ADAM7: variants seen among roughly 807,000 people sequenced by gnomAD.
ADAM7 encodes disintegrin and metalloproteinase domain-containing protein 7.
A neutral mutation model predicts 102.9 loss-of-function variants in ADAM7; 97 were observed. The ratio of observed to expected loss-of-function variants is 0.94; its 90% CI spans 0.80 to 1.12. The LOEUF (loss-of-function observed/expected upper bound fraction) is 1.12. ADAM7 is among the 50% of genes most tolerant of loss of function. The pLI, the probability that ADAM7 is intolerant of heterozygous loss-of-function variation, is 0.00. For synonymous variants in ADAM7, 334 were observed against 304.4 expected, an observed-to-expected ratio of 1.10 and a Z score of -1.01; for missense variants, 991 against 908.7, an observed-to-expected ratio of 1.09 and a Z score of -1.16.
At chr8:24,475,544 T>C (rs1819739396) in intron 7 of ADAM7, among the ~76,000 whole-genome samples, 1 of 152,118 alleles carries the variant, frequency 6.6e-6, no homozygotes, top group Admixed American at 6.5e-5. Context: ...TTAAGAATAG[T>C]TTCAATGGAA....
At chr8:24,488,844 A>C (rs1367014856) in intron 11 of ADAM7, among the ~76,000 whole-genome samples, 1 of 152,112 alleles carries the variant, frequency 6.6e-6, no homozygotes, top group East Asian at 1.9e-4. Flanking sequence ...GGGATGATAA[A>C]CAAATACATA....
chr8:24,462,979 A>C (rs1242085049), intron 3 of ADAM7, among the ~76,000 whole-genome samples: 1 of 152,142 alleles, frequency 6.6e-6, no homozygotes, highest in Admixed American at 6.5e-5. Context: ...ATTTGGAGTA[A>C]AAACAGCAGC....
chr8:24,480,500 C>T (rs1819912692), intron 8 of ADAM7, among the ~76,000 whole-genome samples: 1 of 152,122 alleles, frequency 6.6e-6, no homozygotes, highest in East Asian at 1.9e-4. Flanking sequence ...CAGTTCAACT[C>T]TCCACAACAT....
Position 24,467,004 on chromosome 8 carries a change from T to C in ADAM7, c.579+16T>C. 6.3e-7 allele frequency: 1 copy of C among 1,597,470 alleles called. No homozygotes were observed. The highest frequency in any genetic ancestry group is 8.6e-7 in the Non-Finnish European group (1 of 1,168,052). ...CAAAATAAAAGTGAGTACTTTATTATTATCTTTACCCCAAATGAAACACCT... is the reference window on the plus strand; with the variant it reads ...CAAAATAAAAGTGAGTACTTTATTACTATCTTTACCCCAAATGAAACACCT... On this transcript the variant is annotated intron_variant, in intron 6 of 21. Transcript: ENST00000175238.
chr8:24,452,179 A>G (rs1408491634), intron 3 of ADAM7, among the ~76,000 whole-genome samples: 46 of 143,644 alleles, frequency 3.2e-4, no homozygotes, highest in South Asian at 9.1e-4. Flanking sequence ...CTTGGTGCAG[A>G]GCTGAGTTCA....
At position 24,509,018 on chromosome 8, in the gene ADAM7, CA is replaced by C; in HGVS notation, c.*475del. 1.0e-6 allele frequency: 1 copy of C among 990,794 alleles called. No homozygotes were observed. Among genetic ancestry groups the C allele is most frequent in the Non-Finnish European group, 1.2e-6 (1 of 833,756 alleles). 61.4% of individuals were successfully genotyped at this position (990,794 alleles called of 1,614,324 possible). On this transcript the variant is annotated 3_prime_UTR_variant, in exon 22 of 22. Transcript: ENST00000175238. ...TTAAATGAAAGTCCTGCAGAAATGC[CA>C]AAGAAGGCAGGGCAGAGCGGCACGG...
chr8:24,495,200 C>T (rs184547312), intron 16 of ADAM7, among the ~76,000 whole-genome samples: 16 of 152,232 alleles, frequency 1.1e-4, no homozygotes, highest in African/African-American at 3.6e-4. Flanking sequence ...TCCTATAGCT[C>T]ATAGTCCCCA....
At chr8:24,487,642 AAAAAGAAAAAAAAAG>A (rs1168188628) in intron 11 of ADAM7, among the ~76,000 whole-genome samples, 2 of 152,008 alleles carry the variant, frequency 1.3e-5, no homozygotes, top group African/African-American at 2.4e-5. Flanking sequence ...TCTCAAAAAA[AAAAAGAAAAAAAAAG>A]AAAAGAAAAA....
chr8:24,451,041 A>G (rs1407047332), intron 3 of ADAM7, among the ~76,000 whole-genome samples: 3 of 151,884 alleles, frequency 2.0e-5, no homozygotes, highest in African/African-American at 7.3e-5. Flanking sequence ...GTGCTGCTGG[A>G]TTCGGTTTGC....
rs752334070 is a variant in ADAM7 at position 24,501,496 on chromosome 8, G to A, written c.2128G>A (p.Gly710Arg). ...TGACAGCCCACCTACAGAAACCCTG[G>A]GAGTGGAGAACAAAGGATACTTTGG... Reference protein sequence around the residue: ...QVQSPPTETLGVENKGYFGDE... With the variant: ...QVQSPPTETLRVENKGYFGDE... Residue 710 changes from glycine to arginine, a missense_variant, in exon 20 of 22, where the codon GGA (glycine) becomes AGA (arginine). Coordinates refer to ENST00000175238, the MANE Select transcript of ADAM7 (RefSeq NM_003817.4). 8.1e-6 allele frequency: 13 copies of A among 1,607,970 alleles called. 1 individual carries two copies. In the South Asian group the frequency reaches 1.5e-4, roughly 18 times the overall value.
At chr8:24,460,706 T>C (rs150696615) in intron 3 of ADAM7, among the ~76,000 whole-genome samples, 62 of 151,082 alleles carry the variant, frequency 4.1e-4, no homozygotes, top group Non-Finnish European at 5.6e-4. Flanking sequence ...AGTTGCCATA[T>C]ATATATACAT....
At chr8:24,508,335 A>C (rs1166175178) in intron 21 of ADAM7, among the ~76,000 whole-genome samples, 1 of 152,252 alleles carries the variant, frequency 6.6e-6, no homozygotes, top group Non-Finnish European at 1.5e-5. Flanking sequence ...AATGGAAAAC[A>C]AAATTATTTT....
At position 24,491,935 on chromosome 8, in the gene ADAM7, G is replaced by A. The variant is rs371892053; in HGVS notation, c.1389G>A (p.Ala463=). 68 of 1,612,762 alleles carry A rather than the reference G, an allele frequency of 4.2e-5. No individual in the cohort carries two copies. The highest frequency in any genetic ancestry group is 3.3e-4 in the Middle Eastern group (2 of 6,072). Residue 463 remains alanine (A), a synonymous_variant, in exon 14 of 22, where the codon GCG becomes GCA. Transcript: ENST00000175238. ...IKKAGSICRP[A]KDECDFPEMC... ...AAGCAGGGTCCATATGCAGACCGGCGAAAGATGAATGTGATTTTCCTGAGA... is the reference window on the plus strand; with the variant it reads ...AAGCAGGGTCCATATGCAGACCGGCAAAAGATGAATGTGATTTTCCTGAGA...
In ADAM7 at chr8:24,482,955, G is replaced by A. The variant is rs115774320; in HGVS notation, c.875+644G>A. ...TCCTCTCGCCCTCCCATGTTGTACC[G>A]TTCCAATATTCTTCCAAAATCTGCC... On this transcript the variant is annotated intron_variant, in intron 9 of 21. Coordinates refer to ENST00000175238, the MANE Select transcript of ADAM7 (RefSeq NM_003817.4). Among the ~76,000 whole-genome samples the A allele has an allele frequency of 3.0e-3, 459 of 152,050 alleles. 4 individuals carry two copies. Among genetic ancestry groups the A allele is most frequent in the African/African-American group, 0.01 (423 of 41,476 alleles).
chr8:24,491,957 G>C lies in ADAM7; in HGVS notation c.1411G>C (p.Glu471Gln). 2 of 1,613,472 alleles carry C rather than the reference G, an allele frequency of 1.2e-6. No individual in the cohort carries two copies. Among genetic ancestry groups the C allele is most frequent in the Non-Finnish European group, 1.7e-6 (2 of 1,179,704 alleles). Residue 471 changes from glutamate to glutamine, a missense_variant, in exon 14 of 22, where the codon GAG (glutamate) becomes CAG (glutamine). Glu to Gln is a conservative substitution (Grantham distance 29). Transcript: ENST00000175238. ...RPAKDECDFP[E>Q]MCTGHSPACP... ...GGCGAAAGATGAATGTGATTTTCCT[G>C]AGATGTGCACTGGCCACTCGCCTGC...
At chr8:24,452,788 C>T (rs1026590098) in intron 3 of ADAM7, among the ~76,000 whole-genome samples, 3 of 151,670 alleles carry the variant, frequency 2.0e-5, no homozygotes, top group African/African-American at 7.3e-5. Flanking sequence ...GTGGCTGGTA[C>T]CAGTTGTTCC....
chr8:24,454,866 G>A (rs1818969354), intron 3 of ADAM7, among the ~76,000 whole-genome samples: 1 of 152,100 alleles, frequency 6.6e-6, no homozygotes, highest in African/African-American at 2.4e-5. Flanking sequence ...TTGAGAAATA[G>A]CGATGAATCT....
At chr8:24,488,155 C>A (rs1820208394) in intron 11 of ADAM7, among the ~76,000 whole-genome samples, 1 of 152,118 alleles carries the variant, frequency 6.6e-6, no homozygotes, top group African/African-American at 2.4e-5. Flanking sequence ...TACTCTTCTG[C>A]TGGAATATAA....
chr8:24,479,514 G>T (rs1257398810), intron 8 of ADAM7, among the ~76,000 whole-genome samples: 2 of 151,966 alleles, frequency 1.3e-5, no homozygotes, highest in Admixed American at 1.3e-4. Flanking sequence ...ATAATTTTTT[G>T]CAAAACAGCA....
Sources: allele counts gnomAD v4.1 joint callset (sites outside exome capture counted in the v4.1 genomes callset), GRCh38; gene constraint gnomAD v4.1.1; transcripts MANE v1.5; gene names NCBI Gene and HGNC (gene_info 2026-07-23, HGNC 2026-07-21).